PTPRG: variants seen among roughly 807,000 people sequenced by gnomAD.
PTPRG encodes receptor-type tyrosine-protein phosphatase gamma.
Under a neutral mutation model 165.3 loss-of-function variants are expected in PTPRG, and 102 were observed. The ratio of observed to expected loss-of-function variants is 0.62; its 90% CI spans 0.53 to 0.73. PTPRG has a LOEUF of 0.73. Ranked by LOEUF, PTPRG falls within the 30% of genes least tolerant of loss-of-function variation. The pLI, the probability that PTPRG is intolerant of heterozygous loss-of-function variation, is 0.00. For synonymous variants in PTPRG, 675 were observed against 669.5 expected (o/e 1.01, Z -0.13); for missense variants, 1,866 against 1,861.4 (o/e 1.00, Z -0.05).
intron 13 of PTPRG, 81 bp from the exon 14 acceptor site, chr3:62,231,144 G>A: frequency 2.8e-6 from 3 of 1,070,512 alleles, no homozygotes; most frequent in African/African-American, 1.6e-5. Flanking sequence ...TGGGAGGGGA[G>A]GGCATTTGTA....
At chr3:61,932,070 GC>G (rs1447705100) in intron 2 of PTPRG, among the ~76,000 whole-genome samples, 2 of 151,972 alleles carry the variant, frequency 1.3e-5, no homozygotes, top group East Asian at 3.9e-4. Context: ...ATTTTCCCCT[GC>G]CAAAATCTGT....
intron 12 of PTPRG, among the ~76,000 whole-genome samples, chr3:62,218,141 T>G (rs1700556995): frequency 2.6e-5 from 4 of 152,166 alleles, no homozygotes; most frequent in South Asian, 2.1e-4. Flanking sequence ...TAGGTGCTCC[T>G]GCTGGGATGT....
intron 2 of PTPRG, among the ~76,000 whole-genome samples, chr3:61,800,793 G>A (rs993366833): frequency 3.3e-5 from 5 of 151,718 alleles, no homozygotes; most frequent in African/African-American, 9.7e-5. Context: ...ACAGGCACCC[G>A]CCACCACGCC....
At chr3:61,661,960 T>C in intron 1 of PTPRG, among the ~76,000 whole-genome samples, 1 of 152,210 alleles carries the variant, frequency 6.6e-6, no homozygotes, top group East Asian at 1.9e-4. Context: ...TTTTTTTCTT[T>C]ATTATTTATA....
chr3:61,919,349 A>G (rs1212965658), intron 2 of PTPRG, among the ~76,000 whole-genome samples: 1 of 152,190 alleles, frequency 6.6e-6, no homozygotes, highest in African/African-American at 2.4e-5. Flanking sequence ...ACATCTAGAG[A>G]ATGATCACAT....
chr3:61,884,166 G>A (rs898908341), intron 2 of PTPRG, among the ~76,000 whole-genome samples: 3 of 152,030 alleles, frequency 2.0e-5, no homozygotes, highest in African/African-American at 4.8e-5. Flanking sequence ...CTCCTGAGCC[G>A]TTTCTTTATC....
intron 5 of PTPRG, among the ~76,000 whole-genome samples, chr3:62,088,409 G>A (rs749712861): frequency 6.6e-6 from 1 of 152,222 alleles, no homozygotes; most frequent in Non-Finnish European, 1.5e-5. Flanking sequence ...GCAGGCCGAA[G>A]GCCATAAGAA....
chr3:61,621,051 A>ATATATATATGTGTGTGTGTG, intron 1 of PTPRG, among the ~76,000 whole-genome samples: 3 of 117,996 alleles, frequency 2.5e-5, no homozygotes, highest in South Asian at 2.9e-4. Flanking sequence ...ATATATATAT[A>ATATATATATGTGTGTGTGTG]TGTGTGTGTG....
rs889637979 is a variant in PTPRG at position 62,180,042 on chromosome 3, G to A, written c.1034-11427G>A. 2.6e-5 allele frequency among the ~76,000 whole-genome samples: 4 copies of A among 152,310 alleles called. No homozygotes were observed. The South Asian group carries it at 6.2e-4, about 24-fold the overall frequency. On this transcript the variant is annotated intron_variant, in intron 8 of 29. Transcript: ENST00000474889. ...TTTTAAGCATAGTAGGTACCAAGCC[G>A]AGCAGACTACCTGTTTCCAAGAGAA...
chr3:61,982,356 G>C lies in PTPRG; in HGVS notation c.191-7269G>C, dbSNP rs150384450. 1.9e-3 allele frequency among the ~76,000 whole-genome samples: 290 copies of C among 152,216 alleles called. 1 individual carries two copies. The highest frequency in any genetic ancestry group is 3.2e-3 in the Admixed American group (49 of 15,286). ...CTTTAAGTCAGCCTAGTTAGGTTTG[G>C]GGTGAATAAATGATCCCAATTATTG... On this transcript the variant is annotated intron_variant, in intron 2 of 29. Transcript: ENST00000474889.
chr3:61,684,891 T>G (rs1355841547), intron 1 of PTPRG, among the ~76,000 whole-genome samples: 1 of 152,152 alleles, frequency 6.6e-6, no homozygotes, highest in Non-Finnish European at 1.5e-5. Context: ...GATCGTGATA[T>G]CTGTCACCAG....
chr3:61,572,512 AC>A (rs1700079249), intron 1 of PTPRG, among the ~76,000 whole-genome samples: 1 of 152,168 alleles, frequency 6.6e-6, no homozygotes, highest in African/African-American at 2.4e-5. Context: ...TTTTGGCCAT[AC>A]TGCATTTAAA....
At chr3:62,206,326 G>C (rs1470650861) in intron 12 of PTPRG, among the ~76,000 whole-genome samples, 1 of 152,122 alleles carries the variant, frequency 6.6e-6, no homozygotes, top group Non-Finnish European at 1.5e-5. Flanking sequence ...AGAAATCTGA[G>C]AGCATCTACA....
chr3:61,598,600 G>A (rs964368683), intron 1 of PTPRG, among the ~76,000 whole-genome samples: 13 of 152,172 alleles, frequency 8.5e-5, no homozygotes, highest in Admixed American at 2.6e-4. Context: ...ATGCCATTGA[G>A]TGGGGCCACA....
intron 26 of PTPRG, among the ~76,000 whole-genome samples, chr3:62,279,107 T>C (rs992649217): frequency 2.6e-5 from 4 of 152,062 alleles, no homozygotes; most frequent in East Asian, 1.9e-4. Context: ...AGTTTCATCA[T>C]TGCACAGTTT....
At chr3:61,857,792 T>C (rs1278833088) in intron 2 of PTPRG, among the ~76,000 whole-genome samples, 1 of 152,198 alleles carries the variant, frequency 6.6e-6, no homozygotes, top group Non-Finnish European at 1.5e-5. Flanking sequence ...CAATCAAATA[T>C]GGCTTTCTTT....
intron 1 of PTPRG, among the ~76,000 whole-genome samples, chr3:61,686,942 C>A (rs1703651981): frequency 6.6e-6 from 1 of 152,050 alleles, no homozygotes; most frequent in African/African-American, 2.4e-5. Flanking sequence ...GATAAGGAGT[C>A]CATGTTTTTA....
At chr3:61,886,443 A>G (rs1279328497) in intron 2 of PTPRG, among the ~76,000 whole-genome samples, 2 of 152,094 alleles carry the variant, frequency 1.3e-5, no homozygotes, top group Non-Finnish European at 2.9e-5. Context: ...TTGGTTTGAG[A>G]TCATGGGGAA....
Position 61,615,222 on chromosome 3 carries a change from C to T in PTPRG, c.85+52850C>T, listed in dbSNP as rs148846243. ...ATCCTCAGAACTCATTCAAATATGCCCTAATTGTCCCAATGACAGAAGGAA... is the reference window on the plus strand; with the variant it reads ...ATCCTCAGAACTCATTCAAATATGCTCTAATTGTCCCAATGACAGAAGGAA... On this transcript the variant is annotated intron_variant, in intron 1 of 29. Transcript: ENST00000474889. 1.7e-3 allele frequency among the ~76,000 whole-genome samples: 262 copies of T among 152,272 alleles called. 3 individuals are homozygous for T. Among genetic ancestry groups the T allele is most frequent in the African/African-American group, 6.1e-3 (253 of 41,546 alleles).
Sources: gnomAD v4.1 joint callset for allele counts (sites outside exome capture counted in the v4.1 genomes callset) on GRCh38, gnomAD v4.1.1 for gene constraint, MANE v1.5 for transcripts, NCBI Gene and HGNC (gene_info 2026-07-23, HGNC 2026-07-21) for gene names.